PPP6R3: variants seen among roughly 807,000 people sequenced by gnomAD.
PPP6R3 encodes the protein protein phosphatase 6 regulatory subunit 3, also known as serine/threonine-protein phosphatase 6 regulatory subunit 3.
A neutral mutation model predicts 110.7 loss-of-function variants in PPP6R3; 38 were observed. The ratio of observed to expected loss-of-function variants is 0.34; its 90% CI spans 0.26 to 0.45. The LOEUF is 0.45. PPP6R3 is among the 20% of genes least tolerant of loss of function. PPP6R3 has a pLI of 1.00. For missense variants in PPP6R3, 870 were observed against 1,062.4 expected, an observed-to-expected ratio of 0.82 and a Z score of 2.52; for synonymous variants, 369 against 373.5, an observed-to-expected ratio of 0.99 and a Z score of 0.14.
chr11:68,539,386 C>T lies in PPP6R3; in HGVS notation c.227+1495C>T, dbSNP rs528030855. ...GCTTACTTTCCACAAAAGTACTGCG[C>T]ACCCCCCGCCGTTATAACAGTGTGG... On this transcript the variant is annotated intron_variant, in intron 3 of 23. Coordinates refer to ENST00000393800, the MANE Select transcript of PPP6R3 (RefSeq NM_001164161.2). Among the ~76,000 whole-genome samples, 6 of 152,304 alleles carry T rather than the reference C, an allele frequency of 3.9e-5. No homozygotes were observed. In the South Asian group the frequency reaches 1.0e-3, roughly 26 times the overall value.
rs541002589 is a variant in PPP6R3 at position 68,573,042 on chromosome 11, G to A, written c.1344-1067G>A. On this transcript the variant is annotated intron_variant, in intron 12 of 23. Coordinates refer to ENST00000393800, the MANE Select transcript of PPP6R3 (RefSeq NM_001164161.2). ...TGCTATCTGCAGTCAAAAATCTTTC[G>A]TTTGATAGAGCTTAAAATCTTGGCA... Among the ~76,000 whole-genome samples the A allele has an allele frequency of 1.3e-4, 18 of 141,396 alleles. 1 individual carries two copies. Among genetic ancestry groups the A allele is most frequent in the African/African-American group, 2.4e-4 (9 of 37,546 alleles). 92.8% of individuals were successfully genotyped at this position (141,396 alleles called of 152,430 possible).
intron 1 of PPP6R3, among the ~76,000 whole-genome samples, chr11:68,461,941 TATG>T (rs750653023): frequency 1.6e-4 from 24 of 152,314 alleles, no homozygotes; most frequent in Admixed American, 3.3e-4. Context: ...GAGACCCAGT[TATG>T]GTGGTGGTTG....
chr11:68,581,967 T>C (rs535259095), intron 14 of PPP6R3, among the ~76,000 whole-genome samples: 6 of 152,348 alleles, frequency 3.9e-5, no homozygotes, highest in African/African-American at 1.4e-4. Flanking sequence ...AGATTCATCT[T>C]GTTCAGGCAG....
At chr11:68,487,222 A>G (rs1268322961) in intron 1 of PPP6R3, among the ~76,000 whole-genome samples, 1 of 152,090 alleles carries the variant, frequency 6.6e-6, no homozygotes, top group Non-Finnish European at 1.5e-5. Flanking sequence ...TTCCTTCTAG[A>G]CACTGTTTTT....
At chr11:68,590,292 CT>C (rs1053334505) in intron 16 of PPP6R3, among the ~76,000 whole-genome samples, 2 of 152,158 alleles carry the variant, frequency 1.3e-5, no homozygotes, top group African/African-American at 4.8e-5. Flanking sequence ...TGTCTGACAG[CT>C]TTTGTATACT....
chr11:68,567,032 A>G lies in PPP6R3; in HGVS notation c.994A>G (p.Thr332Ala), dbSNP rs1323097061. The change falls in exon 10 of 24, where the codon ACA becomes GCA. Residue 332 changes from threonine (T) to alanine (A), a missense_variant. Physicochemically the swap from Thr to Ala is moderately conservative, Grantham distance 58 (BLOSUM62 0). Transcript: ENST00000393800. Reference protein sequence around the residue: ...EPPKKSVMKTTWGVLDPPVGN... With the variant: ...EPPKKSVMKTAWGVLDPPVGN... ...TCTTCAGAAAAGTGTGATGAAGACC[A>G]CATGGGGTGTGCTGGATCCTCCTGT... 6.5e-7 allele frequency: 1 copy of G among 1,549,688 alleles called. No homozygotes were observed. The highest frequency in any genetic ancestry group is 8.7e-7 in the Non-Finnish European group (1 of 1,146,402).
chr11:68,532,034 G>C (rs115018233), intron 2 of PPP6R3, among the ~76,000 whole-genome samples: 3,543 of 152,316 alleles, frequency 0.023, 124 homozygotes, highest in African/African-American at 0.078. Context: ...CAGATAGACT[G>C]ATGTTCTTGT....
Position 68,600,476 on chromosome 11 carries a change from A to G in PPP6R3, c.2174A>G (p.Glu725Gly). ...TKETGWASFSEFTSSLSTKDS... is the reference protein window; with the variant it reads ...TKETGWASFSGFTSSLSTKDS... ...GAGACGGGCTGGGCTTCTTTTTCAG[A>G]GTTCACGTCTTCCCTGAGGTGAGCG... is the stretch of plus-strand genomic sequence containing the variant. The change falls in exon 20 of 24, where the codon GAG (glutamate) becomes GGG (glycine). Residue 725 changes from glutamate to glycine, a missense_variant. By Grantham distance (98) the Glu-to-Gly change is moderately conservative. Transcript: ENST00000393800. 1 of 1,613,858 alleles carries G rather than the reference A, an allele frequency of 6.2e-7. No homozygotes were observed. Among genetic ancestry groups the G allele is most frequent in the Non-Finnish European group, 8.5e-7 (1 of 1,179,954 alleles).
intron 1 of PPP6R3, among the ~76,000 whole-genome samples, chr11:68,510,671 T>A (rs928454161): frequency 2.6e-5 from 4 of 152,204 alleles, no homozygotes; most frequent in Non-Finnish European, 5.9e-5. Context: ...AACTAAAGCT[T>A]TATATGTCCA....
chr11:68,530,144 C>G (rs2099228952), intron 2 of PPP6R3, among the ~76,000 whole-genome samples: 1 of 152,168 alleles, frequency 6.6e-6, no homozygotes, highest in African/African-American at 2.4e-5. Context: ...GATGTGGCTA[C>G]TAGAACATTT....
intron 3 of PPP6R3, among the ~76,000 whole-genome samples, chr11:68,543,416 T>TC (rs1555134792): frequency 6.6e-6 from 1 of 151,418 alleles, no homozygotes; most frequent in Non-Finnish European, 1.5e-5. Flanking sequence ...TTTTTTTTTT[T>TC]CCTTTTCTGT....
chr11:68,573,313 G>C (rs2099517764), intron 12 of PPP6R3, among the ~76,000 whole-genome samples: 1 of 151,150 alleles, frequency 6.6e-6, no homozygotes, highest in African/African-American at 2.4e-5. Context: ...ACCACGCCTG[G>C]CTAATTTTTG....
intron 2 of PPP6R3, among the ~76,000 whole-genome samples, chr11:68,531,392 C>T (rs2099239596): frequency 6.6e-6 from 1 of 151,390 alleles, no homozygotes; most frequent in Non-Finnish European, 1.5e-5. Context: ...GGCCGGTTTG[C>T]AGTGGTATGA....
intron 1 of PPP6R3, among the ~76,000 whole-genome samples, chr11:68,495,947 C>T (rs1273240202): frequency 6.6e-6 from 1 of 152,182 alleles, no homozygotes; most frequent in African/African-American, 2.4e-5. Flanking sequence ...ACATTCCCAC[C>T]AGCAATGTGT....
intron 6 of PPP6R3, among the ~76,000 whole-genome samples, chr11:68,553,293 CT>C (rs35624425): frequency 2.7e-3 from 370 of 138,610 alleles, no homozygotes; most frequent in African/African-American, 4.9e-3. Flanking sequence ...TTTGCTTTTA[CT>C]TTTTTTTTTT....
chr11:68,482,830 G>A (rs1329595634), intron 1 of PPP6R3, among the ~76,000 whole-genome samples: 1 of 151,742 alleles, frequency 6.6e-6, no homozygotes, highest in Non-Finnish European at 1.5e-5. Context: ...GCATATATAT[G>A]CTGGGTATGT....
At chr11:68,585,422 A>G (rs1051808007) in intron 15 of PPP6R3, among the ~76,000 whole-genome samples, 2 of 152,212 alleles carry the variant, frequency 1.3e-5, no homozygotes, top group African/African-American at 4.8e-5. Context: ...AGATTTGCTT[A>G]AAGTGGTTGG....
At chr11:68,467,902 G>A (rs2098759992) in intron 1 of PPP6R3, among the ~76,000 whole-genome samples, 1 of 152,180 alleles carries the variant, frequency 6.6e-6, no homozygotes, top group Admixed American at 6.5e-5. Flanking sequence ...AGCCTCCCGA[G>A]TAGCTGGGAC....
intron 1 of PPP6R3, among the ~76,000 whole-genome samples, chr11:68,491,516 T>A (rs934217701): frequency 1.2e-4 from 19 of 152,014 alleles, no homozygotes; most frequent in Non-Finnish European, 2.6e-4. Flanking sequence ...GCTATTTTTT[T>A]AAAAATTTAT....
Sources: gnomAD v4.1 joint callset for allele counts (sites outside exome capture counted in the v4.1 genomes callset) on GRCh38, gnomAD v4.1.1 for gene constraint, MANE v1.5 for transcripts, NCBI Gene and HGNC (gene_info 2026-07-23, HGNC 2026-07-21) for gene names.